Variants in EPB41L5 observed in about 807,000 individuals in gnomAD.
EPB41L5 encodes erythrocyte membrane protein band 4.1 like 5, also known as band 4.1-like protein 5.
A neutral mutation model predicts 106.6 loss-of-function variants in EPB41L5; 55 were observed. The observed-to-expected ratio is 0.52, with a 90% CI of 0.42 to 0.65. EPB41L5 has a LOEUF of 0.65. EPB41L5 is among the 30% of genes least tolerant of loss of function. EPB41L5 has a pLI of 0.00. For missense variants in EPB41L5, 871 were observed against 882.1 expected (o/e 0.99, Z 0.16); for synonymous variants, 297 against 306.7 (o/e 0.97, Z 0.33).
chr2:120,097,110 T>A (rs1683806712), intron 14 of EPB41L5, among the ~76,000 whole-genome samples: 1 of 152,244 alleles, frequency 6.6e-6, no homozygotes, highest in African/African-American at 2.4e-5. Context: ...TTAATTTAAC[T>A]TTAATGGCTA....
Position 120,174,831 on chromosome 2 carries a change from T to C in EPB41L5, c.2136-10T>C. The C allele has an allele frequency of 6.2e-7, 1 of 1,614,032 alleles. No individual in the cohort carries two copies. Among genetic ancestry groups the C allele is most frequent in the Non-Finnish European group, 8.5e-7 (1 of 1,179,896 alleles). On this transcript the variant is annotated splice_polypyrimidine_tract_variant and intron_variant, in intron 24 of 24. Coordinates refer to ENST00000263713, the MANE Select transcript of EPB41L5 (RefSeq NM_020909.4). ...GGTTCCCTGAGTAACCCATTCTCTC[T>C]TCCTTTCAGCTCTGGTCCCATTTTG...
At chr2:120,142,030 G>A (rs1267771606) in intron 18 of EPB41L5, among the ~76,000 whole-genome samples, 1 of 150,556 alleles carries the variant, frequency 6.6e-6, no homozygotes, top group African/African-American at 2.4e-5. Context: ...CCAACTTTGA[G>A]ATGCCGTGAT....
chr2:120,046,088 G>C (rs1297151198), intron 3 of EPB41L5, among the ~76,000 whole-genome samples: 4 of 152,072 alleles, frequency 2.6e-5, no homozygotes, highest in African/African-American at 9.7e-5. Flanking sequence ...CCAAGTCTTT[G>C]CCATTGTGAA....
intron 2 of EPB41L5, among the ~76,000 whole-genome samples, chr2:120,029,196 A>C (rs1678539855): frequency 6.6e-6 from 1 of 151,894 alleles, no homozygotes; most frequent in African/African-American, 2.4e-5. Flanking sequence ...ATGGAGTCTC[A>C]CTCTGTTGCT....
Position 120,019,139 on chromosome 2 carries a change from G to C in EPB41L5, c.55G>C (p.Glu19Gln), listed in dbSNP as rs772152390. 1.9e-6 allele frequency: 3 copies of C among 1,613,876 alleles called. No homozygotes were observed. The stretch of plus-strand genomic sequence containing the variant: ...GCGTCGGTCTATGCGTAAACATGCA[G>C]AGAAGGAACGACTCCGAGAAGCACA... Reference protein sequence around the residue: ...LGRRSMRKHAEKERLREAQRA... With the variant: ...LGRRSMRKHAQKERLREAQRA... The change falls in exon 2 of 25, where the codon GAG (glutamate) becomes CAG (glutamine). Residue 19 changes from glutamate (E) to glutamine (Q), a missense_variant. By Grantham distance (29) the Glu-to-Gln change is conservative. Transcript: ENST00000263713.
intron 2 of EPB41L5, among the ~76,000 whole-genome samples, chr2:120,024,648 A>G (rs1011104154): frequency 6.6e-6 from 1 of 151,944 alleles, no homozygotes; most frequent in Non-Finnish European, 1.5e-5. Context: ...TTTAGTAGAG[A>G]TGGGGTTTCA....
chr2:120,115,709 G>A (rs538511246), intron 16 of EPB41L5, among the ~76,000 whole-genome samples: 1 of 151,850 alleles, frequency 6.6e-6, no homozygotes, highest in East Asian at 2.0e-4. Context: ...TTAAAACATT[G>A]TTTTCTTAAT....
intron 12 of EPB41L5, 67 bp downstream of exon 12, chr2:120,090,583 C>T: frequency 7.2e-7 from 1 of 1,392,424 alleles, no homozygotes; most frequent in Non-Finnish European, 9.9e-7. Flanking sequence ...GGCCAATCTT[C>T]TCTTTTTTAC....
chr2:120,133,224 T>A (rs751647662), intron 18 of EPB41L5, among the ~76,000 whole-genome samples: 4 of 152,156 alleles, frequency 2.6e-5, no homozygotes, highest in Non-Finnish European at 5.9e-5. Context: ...AACCCTCCAG[T>A]GATCATCCCC....
At chr2:120,155,577 AAAT>A (rs1362716920) in intron 20 of EPB41L5, among the ~76,000 whole-genome samples, 1 of 152,080 alleles carries the variant, frequency 6.6e-6, no homozygotes, top group Non-Finnish European at 1.5e-5. Flanking sequence ...TTATTTATTC[AAAT>A]AATCTTTCTA....
At chr2:120,018,980 T>A in intron 1 of EPB41L5, 97 bp from the exon 2 acceptor site, 2 of 1,081,206 alleles carry the variant, frequency 1.8e-6, no homozygotes, top group Non-Finnish European at 2.7e-6. Context: ...CTACTAATGT[T>A]CACAGGACTT....
intron 14 of EPB41L5, among the ~76,000 whole-genome samples, chr2:120,097,789 C>T (rs902218139): frequency 6.6e-6 from 1 of 152,126 alleles, no homozygotes; most frequent in Non-Finnish European, 1.5e-5. Flanking sequence ...TCAGTAATTC[C>T]TTCATATTCA....
chr2:120,168,029 T>A, intron 24 of EPB41L5, 22 bp downstream of exon 24: 1 of 1,613,604 alleles, frequency 6.2e-7, no homozygotes, highest in Non-Finnish European at 8.5e-7. Context: ...ATTTCTCATT[T>A]GCAGTTCTTA....
chr2:120,087,926 C>CTTAA (rs1683175126), intron 11 of EPB41L5, among the ~76,000 whole-genome samples: 1 of 152,120 alleles, frequency 6.6e-6, no homozygotes, highest in Non-Finnish European at 1.5e-5. Context: ...ATGCATTGTT[C>CTTAA]TTAATGCAAG....
chr2:120,106,348 A>G, intron 16 of EPB41L5: 1 of 985,082 alleles, frequency 1.0e-6, no homozygotes, highest in Non-Finnish European at 1.2e-6. Context: ...TTCATATCAA[A>G]TATTGCAAAT....
intron 20 of EPB41L5, among the ~76,000 whole-genome samples, chr2:120,158,055 T>C (rs189754677): frequency 1.3e-5 from 2 of 152,088 alleles, no homozygotes; most frequent in Admixed American, 6.5e-5. Flanking sequence ...CAGGAAGAAA[T>C]TGAAACCTGA....
chr2:120,074,889 A>G (rs1356434624), intron 5 of EPB41L5, among the ~76,000 whole-genome samples: 2 of 152,134 alleles, frequency 1.3e-5, no homozygotes, highest in Non-Finnish European at 2.9e-5. Flanking sequence ...GTGCAATGGC[A>G]TGTTCTCAGT....
chr2:120,073,931 T>G (rs943375821), intron 4 of EPB41L5, among the ~76,000 whole-genome samples, 169 bp from the exon 5 acceptor site: 1 of 152,188 alleles, frequency 6.6e-6, no homozygotes, highest in Non-Finnish European at 1.5e-5. Context: ...ATATGATGGC[T>G]TGGTACATTA....
chr2:120,169,676 CATATCTAGAATTT>C (rs1687582689), intron 24 of EPB41L5, among the ~76,000 whole-genome samples: 1 of 152,154 alleles, frequency 6.6e-6, no homozygotes, highest in African/African-American at 2.4e-5. Context: ...AGGACCCACT[CATATCTAGAATTT>C]ATAAAGAGTT....
Sources: allele counts gnomAD v4.1 joint callset (sites outside exome capture counted in the v4.1 genomes callset), GRCh38; gene constraint gnomAD v4.1.1; transcripts MANE v1.5; gene names NCBI Gene and HGNC (gene_info 2026-07-23, HGNC 2026-07-21).